RAB27A: variants seen among roughly 807,000 people sequenced by gnomAD.
RAB27A encodes the protein ras-related protein Rab-27A.
A neutral mutation model predicts 20.8 loss-of-function variants in RAB27A; 17 were observed. The observed-to-expected ratio is 0.82, with a 90% confidence interval of 0.56 to 1.23. The LOEUF (loss-of-function observed/expected upper bound fraction) is 1.23. Among genes scored for constraint, RAB27A ranks in the 50% most tolerant of loss-of-function variants. The pLI is 0.00. For missense variants in RAB27A, 277 were observed against 266.7 expected (o/e 1.04, Z -0.27); for synonymous variants, 85 against 92.8 (o/e 0.92, Z 0.48).
chr15:55,307,555 T>C (rs545714835), intron 2 of RAB27A, among the ~76,000 whole-genome samples: 1 of 152,024 alleles, frequency 6.6e-6, no homozygotes, highest in East Asian at 1.9e-4. Flanking sequence ...AGCAGGACCA[T>C]TGTCACTCTG....
At chr15:55,294,263 T>A (rs1005448463), upstream of RAB27A, among the ~76,000 whole-genome samples, 20 of 152,006 alleles carry the variant, frequency 1.3e-4, no homozygotes, top group African/African-American at 4.8e-4. Flanking sequence ...CAGCAAATGG[T>A]ACTGGGAGAA....
rs576787765 is a variant in RAB27A, at chr15:55,234,391, T to G, written c.153+391A>C. ...CCATGTGGAACTGCTGAGACTTTAT[T>G]AGGAGAAATGCCATTAAAAATAATA... is the stretch of plus-strand genomic sequence containing the variant. On this transcript the variant is annotated intron_variant, in intron 3 of 6. Transcript: ENST00000336787. 2.0e-5 allele frequency among the ~76,000 whole-genome samples: 3 copies of G among 152,240 alleles called. No individual in the cohort carries two copies. In the East Asian group the frequency reaches 5.8e-4, roughly 29 times the overall value.
intron 2 of RAB27A, among the ~76,000 whole-genome samples, chr15:55,250,488 T>G (rs568810230): frequency 6.6e-6 from 1 of 152,320 alleles, no homozygotes; most frequent in South Asian, 2.1e-4. Context: ...AATGGATTAA[T>G]TTGTCTATTG....
intron 2 of RAB27A, among the ~76,000 whole-genome samples, chr15:55,309,946 G>A (rs779126002): frequency 6.6e-6 from 1 of 151,972 alleles, no homozygotes; most frequent in Admixed American, 6.6e-5. Context: ...AGGGAAAGGA[G>A]GCAGAATCCT....
intron 1 of RAB27A, among the ~76,000 whole-genome samples, chr15:55,285,296 C>T (rs367901757): frequency 2.6e-4 from 33 of 126,808 alleles, no homozygotes; most frequent in South Asian, 7.2e-4. Flanking sequence ...CATATACAGA[C>T]GAAAAACAAA....
rs1032958183 is a variant in RAB27A at position 55,304,056 on chromosome 15, T to G, written c.-112+9983A>C. 1.1e-4 allele frequency among the ~76,000 whole-genome samples: 17 copies of G among 152,192 alleles called. 1 individual carries two copies. The highest frequency in any genetic ancestry group is 4.6e-4 in the Admixed American group (7 of 15,300). On this transcript the variant is annotated intron_variant, in intron 2 of 5. Coordinates refer to the RAB27A transcript ENST00000563262. Reference sequence around the variant, plus strand: ...GTGGGGAAGAGATTGAGAAATCGGATGGTTGCCGTGTCTGTGTAGAAAGAG... The same window carrying G: ...GTGGGGAAGAGATTGAGAAATCGGAGGGTTGCCGTGTCTGTGTAGAAAGAG...
chr15:55,250,769 T>G (rs1896859534), intron 2 of RAB27A, among the ~76,000 whole-genome samples: 1 of 152,220 alleles, frequency 6.6e-6, no homozygotes, highest in African/African-American at 2.4e-5. Flanking sequence ...GTCTTCACAG[T>G]CAGTTCCTGC....
chr15:55,313,886 T>C (rs58020927), intron 2 of RAB27A: 16,113 of 152,114 alleles, frequency 0.11, 1,208 homozygotes, highest in African/African-American at 0.21. Flanking sequence ...GGCAGGAGAA[T>C]AGTGTGAACC....
At chr15:55,223,184 C>T (rs1895654939) in intron 6 of RAB27A, among the ~76,000 whole-genome samples, 3 of 152,118 alleles carry the variant, frequency 2.0e-5, no homozygotes, top group Non-Finnish European at 4.4e-5. Context: ...CTAGCATTCT[C>T]TACAATAGTA....
At chr15:55,281,156 T>C (rs914943447) in intron 1 of RAB27A, among the ~76,000 whole-genome samples, 3 of 152,198 alleles carry the variant, frequency 2.0e-5, no homozygotes, top group Non-Finnish European at 2.9e-5. Flanking sequence ...CCCTGTGCCA[T>C]TTTCATGTAT....
chr15:55,264,402 T>A (rs980713367), intron 2 of RAB27A, among the ~76,000 whole-genome samples: 1 of 152,184 alleles, frequency 6.6e-6, no homozygotes, highest in Non-Finnish European at 1.5e-5. Flanking sequence ...CGTTTAGATT[T>A]TAAACATTTT....
intron 1 of RAB27A, among the ~76,000 whole-genome samples, chr15:55,274,174 AT>A (rs1429129396): frequency 6.6e-6 from 1 of 152,064 alleles, no homozygotes; most frequent in African/African-American, 2.4e-5. Context: ...ATCAAAAGGA[AT>A]TTTTTTTAAA....
At chr15:55,223,797 T>C in intron 6 of RAB27A, 92 bp downstream of exon 6, 2 of 1,514,510 alleles carry the variant, frequency 1.3e-6, no homozygotes, top group Non-Finnish European at 1.8e-6. Context: ...GGTTTTGCTT[T>C]AATTGTCCAC....
intron 2 of RAB27A, among the ~76,000 whole-genome samples, chr15:55,309,282 G>A (rs1034779756): frequency 2.6e-5 from 4 of 152,204 alleles, no homozygotes; most frequent in African/African-American, 9.7e-5. Context: ...GGCTGGATAT[G>A]TTCCTCACTG....
intron 4 of RAB27A, among the ~76,000 whole-genome samples, 175 bp downstream of exon 4, chr15:55,230,226 T>C (rs1895975639): frequency 6.6e-6 from 1 of 152,254 alleles, no homozygotes; most frequent in Non-Finnish European, 1.5e-5. Context: ...CTTGACCTTG[T>C]ATGAAATAAG....
At chr15:55,319,108 G>A (rs1337914211) in exon 1 of RAB27A, 2 of 983,602 alleles carry the variant, frequency 2.0e-6, no homozygotes, top group East Asian at 2.9e-5. Context: ...AGGCCACCAC[G>A]TCGGGTGGGA....
chr15:55,225,809 C>T (rs530056880), intron 5 of RAB27A, among the ~76,000 whole-genome samples: 2 of 152,218 alleles, frequency 1.3e-5, no homozygotes, highest in Admixed American at 1.3e-4. Context: ...AAAAAGTCAC[C>T]TACATAAACA....
chr15:55,307,310 T>C (rs1174527134), intron 2 of RAB27A, among the ~76,000 whole-genome samples: 6 of 152,086 alleles, frequency 3.9e-5, no homozygotes, highest in African/African-American at 9.7e-5. Context: ...GGACCGTCCA[T>C]ACAGCATTCT....
At chr15:55,286,432 G>A (rs2078992833) in intron 1 of RAB27A, among the ~76,000 whole-genome samples, 1 of 152,098 alleles carries the variant, frequency 6.6e-6, no homozygotes, top group Non-Finnish European at 1.5e-5. Context: ...AGAAAACAAG[G>A]CAAGGTAAGG....
Sources: gnomAD v4.1 joint callset for allele counts (sites outside exome capture counted in the v4.1 genomes callset) on GRCh38, gnomAD v4.1.1 for gene constraint, MANE v1.5 for transcripts, NCBI Gene and HGNC (gene_info 2026-07-23, HGNC 2026-07-21) for gene names.